CLIC5: variants seen among roughly 807,000 people sequenced by gnomAD.
The protein encoded by CLIC5 is chloride intracellular channel protein 5.
In CLIC5, 20 loss-of-function variants were observed where a neutral mutation model predicts 24.7. The observed-to-expected ratio is 0.81, with a 90% confidence interval of 0.57 to 1.18. The LOEUF (loss-of-function observed/expected upper bound fraction) is 1.18, where lower values mean the gene tolerates loss of function less well. CLIC5 is among the 50% of genes most tolerant of loss of function. The pLI is 0.00. For synonymous variants in CLIC5, 159 were observed against 135.6 expected (o/e 1.17, Z -1.20); for missense variants, 341 against 326.1 (o/e 1.05, Z -0.35).
chr6:46,088,134 C>CT, the CLIC5 span, among the ~76,000 whole-genome samples: 2 of 150,318 alleles, frequency 1.3e-5, no homozygotes, highest in Admixed American at 6.7e-5. Context: ...AAAGCAAACT[C>CT]TATCAGCGTA....
intron 4 of CLIC5, chr6:45,920,098 T>C (rs3822877): frequency 0.34 from 295,074 of 861,836 alleles, 51,328 homozygotes; most frequent in East Asian, 0.52. Flanking sequence ...GAGGATGGGG[T>C]TCCCCTCATG....
chr6:46,020,019 C>A (rs993425849), upstream of CLIC5, among the ~76,000 whole-genome samples: 4 of 151,912 alleles, frequency 2.6e-5, no homozygotes, highest in Non-Finnish European at 4.4e-5. Context: ...CACAAGTAGA[C>A]AAAAAATCCA....
At chr6:45,907,519 A>G (rs1762694546) in intron 5 of CLIC5, among the ~76,000 whole-genome samples, 1 of 152,120 alleles carries the variant, frequency 6.6e-6, no homozygotes, top group Admixed American at 6.6e-5. Context: ...AGGTTTTGGT[A>G]TCAGGGTGGT....
chr6:46,082,126 T>C (rs1762935932), upstream of CLIC5, among the ~76,000 whole-genome samples: 1 of 152,218 alleles, frequency 6.6e-6, no homozygotes, highest in Admixed American at 6.5e-5. Context: ...TTACTACTAA[T>C]GCAGTGTGTA....
At chr6:46,015,929 C>T, upstream of CLIC5, 2 of 998,146 alleles carry the variant, frequency 2.0e-6, no homozygotes, top group South Asian at 9.3e-5. Context: ...GGCGGGGACG[C>T]GGCGGGGACA....
At chr6:46,004,688 T>C (rs541796546) in intron 1 of CLIC5, among the ~76,000 whole-genome samples, 22 of 152,292 alleles carry the variant, frequency 1.4e-4, no homozygotes, top group Admixed American at 1.4e-3. Flanking sequence ...TCTTATCTTA[T>C]TTGACTTCAT....
chr6:45,970,604 C>A (rs1224874214), intron 1 of CLIC5, among the ~76,000 whole-genome samples: 1 of 152,188 alleles, frequency 6.6e-6, no homozygotes, highest in Non-Finnish European at 1.5e-5. Context: ...CAGGAAGCCA[C>A]AACCTGAGAT....
chr6:45,946,294 G>A (rs1350362466), intron 3 of CLIC5, among the ~76,000 whole-genome samples: 1 of 152,194 alleles, frequency 6.6e-6, no homozygotes, highest in Admixed American at 6.5e-5. Flanking sequence ...CTTGTCGAGT[G>A]TTCACTAGAT....
the CLIC5 span, among the ~76,000 whole-genome samples, chr6:46,108,047 A>AAAAAAAAAG: frequency 6.6e-6 from 1 of 150,856 alleles, no homozygotes; most frequent in African/African-American, 2.4e-5. Context: ...AAAAAAAAAA[A>AAAAAAAAAG]AAAAAAAAAC....
chr6:45,916,258 C>T lies in CLIC5; in HGVS notation c.407-1849G>A, dbSNP rs112579017. ...CTACTTCATCATCTGCTTTGTGTTT[C>T]CAGTTTGGGAGAACAGAGTAAGCAG... On this transcript the variant is annotated intron_variant, in intron 4 of 5. Transcript: ENST00000339561. 5.9e-3 allele frequency among the ~76,000 whole-genome samples: 903 copies of T among 152,286 alleles called. 6 individuals are homozygous for T. Among genetic ancestry groups the T allele is most frequent in the African/African-American group, 0.02 (850 of 41,558 alleles).
the CLIC5 span, among the ~76,000 whole-genome samples, chr6:46,121,101 A>G: frequency 6.6e-6 from 1 of 152,192 alleles, no homozygotes; most frequent in African/African-American, 2.4e-5. Flanking sequence ...ATACTCCTCA[A>G]GAAGAACAAC....
intron 1 of CLIC5, among the ~76,000 whole-genome samples, chr6:45,986,882 AG>A (rs1765762235): frequency 6.6e-6 from 1 of 152,230 alleles, no homozygotes; most frequent in South Asian, 2.1e-4. Context: ...CCCAACTTAA[AG>A]GAGTCTTGTG....
chr6:45,939,736 G>A (rs1764065497), intron 4 of CLIC5, among the ~76,000 whole-genome samples: 1 of 151,924 alleles, frequency 6.6e-6, no homozygotes, highest in Non-Finnish European at 1.5e-5. Context: ...GACCTCCCAG[G>A]TTCAAGCAAT....
At chr6:45,955,802 T>C (rs1347026217) in intron 1 of CLIC5, among the ~76,000 whole-genome samples, 3 of 151,380 alleles carry the variant, frequency 2.0e-5, no homozygotes, top group Non-Finnish European at 4.4e-5. Context: ...TCTCCCTATA[T>C]GGAGGCTAAT....
chr6:45,970,513 G>A (rs1029027268), intron 1 of CLIC5, among the ~76,000 whole-genome samples: 1 of 152,146 alleles, frequency 6.6e-6, no homozygotes, highest in Admixed American at 6.6e-5. Flanking sequence ...GGCAGGAAAT[G>A]TTCTCTTTAT....
intron 1 of CLIC5, among the ~76,000 whole-genome samples, chr6:46,007,828 G>T (rs1581855503): frequency 6.6e-6 from 1 of 151,184 alleles, no homozygotes; most frequent in South Asian, 2.1e-4. Context: ...TACCCTTAAA[G>T]CAAGTCACGC....
chr6:46,057,781 A>G (rs1768301184), intron 1 of CLIC5, among the ~76,000 whole-genome samples: 1 of 152,202 alleles, frequency 6.6e-6, no homozygotes, highest in East Asian at 1.9e-4. Context: ...AACCTACACA[A>G]TTAGTGGTGT....
intron 4 of CLIC5, among the ~76,000 whole-genome samples, chr6:45,922,823 A>AAAGAGAGAGAG (rs1554145920): frequency 3.3e-4 from 46 of 140,712 alleles, no homozygotes; most frequent in Admixed American, 4.9e-4. Context: ...GAGAGAGAGA[A>AAAGAGAGAGAG]AGAGAGAGAG....
intron 1 of CLIC5, among the ~76,000 whole-genome samples, chr6:45,967,043 A>T (rs910206999): frequency 1.3e-5 from 2 of 152,230 alleles, no homozygotes; most frequent in African/African-American, 4.8e-5. Context: ...GTACCCAACC[A>T]CATTTGTTCT....
Sources: allele counts gnomAD v4.1 joint callset (sites outside exome capture counted in the v4.1 genomes callset), GRCh38; gene constraint gnomAD v4.1.1; transcripts MANE v1.5; gene names NCBI Gene and HGNC (gene_info 2026-07-23, HGNC 2026-07-21).